Variants in SETBP1 observed in about 807,000 individuals in gnomAD.
SETBP1 encodes the protein SET-binding protein.
SETBP1 carries 9 observed loss-of-function variants against 101.0 expected under a neutral mutation model. The ratio of observed to expected loss-of-function variants is 0.09; its 90% CI spans 0.05 to 0.16. SETBP1 has a LOEUF of 0.16. Ranked by LOEUF, SETBP1 falls within the 10% of genes least tolerant of loss-of-function variation. The probability of loss-of-function intolerance (pLI) is 1.00; values close to 1 mark genes in which losing one functional copy is unlikely to be tolerated. For synonymous variants in SETBP1, 818 were observed against 788.5 expected, an observed-to-expected ratio of 1.04 and a Z score of -0.63; for missense variants, 1,858 against 2,033.8, an observed-to-expected ratio of 0.91 and a Z score of 1.66.
intron 2 of SETBP1, among the ~76,000 whole-genome samples, chr18:44,735,202 C>G (rs1027473084): frequency 5.9e-5 from 9 of 152,210 alleles, no homozygotes; most frequent in Non-Finnish European, 1.2e-4. Flanking sequence ...GAAGATTCAT[C>G]TGTGGTCATG....
chr18:45,004,489 T>G (rs1568022532), intron 4 of SETBP1, among the ~76,000 whole-genome samples: 1 of 152,188 alleles, frequency 6.6e-6, no homozygotes. Context: ...TCAAAGAATA[T>G]CAGAGTAGAA....
chr18:44,835,032 C>A (rs1222613362), intron 2 of SETBP1, among the ~76,000 whole-genome samples: 5 of 152,170 alleles, frequency 3.3e-5, no homozygotes, highest in African/African-American at 1.2e-4. Context: ...TTTATCAGAG[C>A]AGATGGGCCT....
intron 4 of SETBP1, among the ~76,000 whole-genome samples, chr18:44,990,927 G>GAAAAAAAAAAAAAAAAAAA (rs996043221): frequency 1.6e-5 from 1 of 63,200 alleles, no homozygotes; most frequent in Non-Finnish European, 3.3e-5. Context: ...CAGAGAGAGA[G>GAAAAAAAAAAAAAAAAAAA]AAAAAAAAAA....
At chr18:44,850,460 T>G (rs895731889) in intron 2 of SETBP1, among the ~76,000 whole-genome samples, 1 of 151,256 alleles carries the variant, frequency 6.6e-6, no homozygotes, top group Non-Finnish European at 1.5e-5. Context: ...AACCTCCGCC[T>G]CCCTGGTTCA....
At chr18:44,942,715 G>T (rs1568229307) in intron 3 of SETBP1, among the ~76,000 whole-genome samples, 1 of 152,046 alleles carries the variant, frequency 6.6e-6, no homozygotes, top group Non-Finnish European at 1.5e-5. Context: ...CCATGGAAAG[G>T]TTACGTCTAC....
At chr18:45,011,577 G>A (rs2072839330) in intron 4 of SETBP1, among the ~76,000 whole-genome samples, 1 of 152,206 alleles carries the variant, frequency 6.6e-6, no homozygotes, top group Non-Finnish European at 1.5e-5. Context: ...TTACACACAG[G>A]TGTAGCCTCT....
chr18:44,712,399 G>A (rs1490052943), intron 2 of SETBP1, among the ~76,000 whole-genome samples: 1 of 152,202 alleles, frequency 6.6e-6, no homozygotes, highest in South Asian at 2.1e-4. Context: ...TGCCAGGCCA[G>A]TTATTTCATT....
At chr18:44,882,378 G>T (rs749253317) in intron 3 of SETBP1, among the ~76,000 whole-genome samples, 6 of 152,088 alleles carry the variant, frequency 3.9e-5, no homozygotes, top group Non-Finnish European at 8.8e-5. Context: ...ACTGCTGGGG[G>T]TGCGGACGAA....
intron 3 of SETBP1, chr18:44,870,139 T>C (rs948506824): frequency 6.6e-6 from 1 of 152,364 alleles, no homozygotes; most frequent in Non-Finnish European, 1.5e-5. Flanking sequence ...AAATAAATTA[T>C]AGCTAACGGC....
At chr18:44,916,837 T>G (rs1013503143) in intron 3 of SETBP1, among the ~76,000 whole-genome samples, 1 of 152,208 alleles carries the variant, frequency 6.6e-6, no homozygotes, top group African/African-American at 2.4e-5. Context: ...GTTTCCTCTC[T>G]TATGAACTTT....
At chr18:44,765,784 A>G (rs979283108) in intron 2 of SETBP1, among the ~76,000 whole-genome samples, 1 of 152,178 alleles carries the variant, frequency 6.6e-6, no homozygotes, top group African/African-American at 2.4e-5. Context: ...GTGAAAGTAA[A>G]AGGAAGAATT....
chr18:44,730,652 C>A (rs1196257357), intron 2 of SETBP1, among the ~76,000 whole-genome samples: 1 of 152,108 alleles, frequency 6.6e-6, no homozygotes, highest in Non-Finnish European at 1.5e-5. Context: ...TTTTTCAGAC[C>A]CTCAGCAGAT....
chr18:44,779,707 C>T (rs745856560), intron 2 of SETBP1, among the ~76,000 whole-genome samples: 36 of 152,230 alleles, frequency 2.4e-4, no homozygotes, highest in Admixed American at 3.9e-4. Flanking sequence ...AACTCTGACA[C>T]GCTTGGAGTC....
At chr18:44,848,106 A>G (rs1467862155) in intron 2 of SETBP1, among the ~76,000 whole-genome samples, 1 of 141,840 alleles carries the variant, frequency 7.1e-6, no homozygotes, top group Admixed American at 7.0e-5. Context: ...TGTGTGTGTA[A>G]CCTATGTAAA....
At chr18:45,046,450 C>T (rs2073612879) in intron 5 of SETBP1, among the ~76,000 whole-genome samples, 1 of 152,162 alleles carries the variant, frequency 6.6e-6, no homozygotes, top group Non-Finnish European at 1.5e-5. Flanking sequence ...TAATAGCAGC[C>T]CAGCCCTTAG....
At position 44,878,980 on chromosome 18, in the gene SETBP1, C is replaced by A. The variant is rs2069471364; in HGVS notation, c.540+9697C>A. On this transcript the variant is annotated intron_variant, in intron 3 of 5. Coordinates refer to ENST00000649279, the MANE Select transcript of SETBP1 (RefSeq NM_015559.3). The stretch of plus-strand genomic sequence containing the variant: ...TGGATATTTCCCTGATAGTGGCCAT[C>A]CTCTTCCACCACCCTCCAGCTCTGC... Among the ~76,000 whole-genome samples the A allele has an allele frequency of 2.0e-5, 3 of 152,282 alleles. No homozygotes were observed. In the South Asian group the frequency reaches 6.2e-4, roughly 32 times the overall value.
At chr18:45,011,879 A>T (rs1374507811) in intron 4 of SETBP1, among the ~76,000 whole-genome samples, 1 of 152,208 alleles carries the variant, frequency 6.6e-6, no homozygotes, top group African/African-American at 2.4e-5. Context: ...TGCCCAACTC[A>T]TAGTAAGACT....
chr18:44,824,384 T>G (rs1360555185), intron 2 of SETBP1, among the ~76,000 whole-genome samples: 2 of 152,226 alleles, frequency 1.3e-5, no homozygotes, highest in Non-Finnish European at 2.9e-5. Context: ...TATAGGGTTT[T>G]GTATGATTCA....
At chr18:44,867,762 T>C (rs2069162115) in intron 2 of SETBP1, among the ~76,000 whole-genome samples, 1 of 152,186 alleles carries the variant, frequency 6.6e-6, no homozygotes, top group Non-Finnish European at 1.5e-5. Flanking sequence ...GTGCAGGTTT[T>C]ACCTTCTCCA....
Sources: gnomAD v4.1 joint callset for allele counts (sites outside exome capture counted in the v4.1 genomes callset) on GRCh38, gnomAD v4.1.1 for gene constraint, MANE v1.5 for transcripts, NCBI Gene and HGNC (gene_info 2026-07-23, HGNC 2026-07-21) for gene names.